The following FER1L6 variants were observed in gnomAD, a reference collection of about 807,000 sequenced individuals.
FER1L6 encodes fer-1 like family member 6.
Under a neutral mutation model 219.2 loss-of-function variants are expected in FER1L6, and 177 were observed. That is an observed-to-expected ratio of 0.81 (90% CI 0.71 to 0.91). FER1L6 has a LOEUF of 0.91. Among genes scored for constraint, FER1L6 ranks in the 40% least tolerant of loss-of-function variants. The pLI is 0.00. For synonymous variants in FER1L6, 768 were observed against 824.3 expected, an observed-to-expected ratio of 0.93 and a Z score of 1.17; for missense variants, 2,153 against 2,259.9, an observed-to-expected ratio of 0.95 and a Z score of 0.96.
At chr8:124,082,998 T>C (rs1821625338) in intron 33 of FER1L6, among the ~76,000 whole-genome samples, 1 of 38,756 alleles carries the variant, frequency 2.6e-5, no homozygotes, top group African/African-American at 1.1e-4. Flanking sequence ...TGTGTGTGTG[T>C]ATATATTATA....
At chr8:123,875,022 C>T (rs919635207) in intron 1 of FER1L6, among the ~76,000 whole-genome samples, 5 of 151,960 alleles carry the variant, frequency 3.3e-5, no homozygotes, top group African/African-American at 1.2e-4. Flanking sequence ...TGGTGAAATC[C>T]CGTCTCCACT....
chr8:123,876,435 C>A (rs940037600), intron 1 of FER1L6, among the ~76,000 whole-genome samples: 1 of 152,118 alleles, frequency 6.6e-6, no homozygotes, highest in Non-Finnish European at 1.5e-5. Context: ...CCTCCCATCA[C>A]AGCTTCCCAA....
intron 1 of FER1L6, among the ~76,000 whole-genome samples, chr8:123,872,822 A>T (rs1438170272): frequency 6.6e-6 from 1 of 152,198 alleles, no homozygotes; most frequent in African/African-American, 2.4e-5. Flanking sequence ...CTGTAATCTG[A>T]CCATTCAAAA....
chr8:123,877,984 A>G (rs1273859921), intron 1 of FER1L6, among the ~76,000 whole-genome samples: 1 of 152,168 alleles, frequency 6.6e-6, no homozygotes, highest in Non-Finnish European at 1.5e-5. Flanking sequence ...TGGCATTGTG[A>G]ACAATCACAT....
At position 124,077,225 on chromosome 8, in the gene FER1L6, T is replaced by C. The variant is rs376205642; in HGVS notation, c.4220+900T>C. Among the ~76,000 whole-genome samples the C allele has an allele frequency of 3.3e-5, 5 of 152,222 alleles. No homozygotes were observed. The South Asian group carries it at 1.0e-3, about 32-fold the overall frequency. On this transcript the variant is annotated intron_variant, in intron 32 of 40. Coordinates refer to ENST00000522917, the MANE Select transcript of FER1L6 (RefSeq NM_001039112.2). ...TCATATTCCTTTAGATGATTAAATGTAAAGCACCTAGCACATCACATTGCC... is the reference window on the plus strand; with the variant it reads ...TCATATTCCTTTAGATGATTAAATGCAAAGCACCTAGCACATCACATTGCC...
chr8:123,966,325 A>C (rs1815539060), intron 5 of FER1L6, 35 bp downstream of exon 5: 2 of 1,611,964 alleles, frequency 1.2e-6, no homozygotes, highest in East Asian at 4.5e-5. Context: ...CTTTTGCACT[A>C]AGATTCTCTT....
intron 31 of FER1L6, among the ~76,000 whole-genome samples, chr8:124,071,960 T>G (rs1420130692): frequency 6.6e-6 from 1 of 152,218 alleles, no homozygotes; most frequent in East Asian, 1.9e-4. Flanking sequence ...TGACCTCATT[T>G]AACCTTAATT....
intron 17 of FER1L6, among the ~76,000 whole-genome samples, chr8:124,021,997 G>A (rs988219365): frequency 7.9e-5 from 12 of 152,194 alleles, no homozygotes; most frequent in African/African-American, 2.7e-4. Flanking sequence ...TAAAGGGCAT[G>A]GCAGCTTCTG....
chr8:123,965,913 A>G, intron 3 of FER1L6, 94 bp from the exon 4 acceptor site: 1 of 1,114,662 alleles, frequency 9.0e-7, no homozygotes, highest in Non-Finnish European at 1.3e-6. Flanking sequence ...AATAATATTA[A>G]ATGAAAGGAC....
chr8:124,108,882 GA>G (rs1003756804), intron 39 of FER1L6, among the ~76,000 whole-genome samples: 12 of 151,536 alleles, frequency 7.9e-5, no homozygotes, highest in Admixed American at 7.9e-4. Context: ...TGTCTCTATA[GA>G]AAAAAGGAAA....
intron 12 of FER1L6, among the ~76,000 whole-genome samples, chr8:123,992,395 C>A (rs964887888): frequency 2.0e-5 from 3 of 152,002 alleles, no homozygotes; most frequent in Admixed American, 1.3e-4. Context: ...TGTTATTGGT[C>A]TCTTCAGGGT....
chr8:123,855,229 G>C (rs1348367771), intron 1 of FER1L6, among the ~76,000 whole-genome samples: 1 of 151,730 alleles, frequency 6.6e-6, no homozygotes, highest in African/African-American at 2.4e-5. Context: ...GGGATGCTGT[G>C]ATGCGTGCTC....
chr8:124,106,549 C>T (rs927588662), intron 39 of FER1L6, among the ~76,000 whole-genome samples: 8 of 152,070 alleles, frequency 5.3e-5, no homozygotes, highest in Non-Finnish European at 8.8e-5. Context: ...GAACCCTTCC[C>T]GGACTCTTGC....
At chr8:123,921,721 G>A (rs1029394920) in intron 1 of FER1L6, among the ~76,000 whole-genome samples, 1 of 152,004 alleles carries the variant, frequency 6.6e-6, no homozygotes, top group African/African-American at 2.4e-5. Flanking sequence ...CATGTCAACC[G>A]ATGCAAGCTG....
chr8:123,919,247 A>T (rs1221546748), intron 1 of FER1L6, among the ~76,000 whole-genome samples: 2 of 152,160 alleles, frequency 1.3e-5, no homozygotes, highest in Admixed American at 6.5e-5. Flanking sequence ...TGGTCCTTTG[A>T]GACTGTTTGC....
At chr8:124,026,776 A>G (rs1252727818) in intron 18 of FER1L6, among the ~76,000 whole-genome samples, 1 of 151,298 alleles carries the variant, frequency 6.6e-6, no homozygotes, top group African/African-American at 2.5e-5. Flanking sequence ...GTGTGGGATA[A>G]TGGTTTAAAG....
intron 31 of FER1L6, among the ~76,000 whole-genome samples, chr8:124,074,304 T>C (rs1035431871): frequency 3.1e-4 from 47 of 152,188 alleles, no homozygotes; most frequent in African/African-American, 1.1e-3. Flanking sequence ...GTCCAGACCA[T>C]GATTTTACAG....
intron 1 of FER1L6, among the ~76,000 whole-genome samples, chr8:123,876,065 A>G (rs978956890): frequency 2.6e-5 from 4 of 152,176 alleles, no homozygotes; most frequent in African/African-American, 9.7e-5. Flanking sequence ...CACTCAGAGT[A>G]CAACTCAAGA....
chr8:123,971,774 G>A (rs1452389224), intron 6 of FER1L6, among the ~76,000 whole-genome samples: 1 of 152,150 alleles, frequency 6.6e-6, no homozygotes, highest in African/African-American at 2.4e-5. Flanking sequence ...ATGCTATTGG[G>A]ACAGCCAGCC....
Sources: allele counts gnomAD v4.1 joint callset (sites outside exome capture counted in the v4.1 genomes callset), GRCh38; gene constraint gnomAD v4.1.1; transcripts MANE v1.5; gene names NCBI Gene and HGNC (gene_info 2026-07-23, HGNC 2026-07-21).